The following SACS variants were observed in gnomAD, a reference collection of about 807,000 sequenced individuals.
SACS encodes sacsin molecular chaperone, also known as sacsin.
Under a neutral mutation model 348.0 loss-of-function variants are expected in SACS, and 197 were observed. The ratio of observed to expected loss-of-function variants is 0.57; its 90% CI spans 0.50 to 0.64. The LOEUF (loss-of-function observed/expected upper bound fraction) is 0.64, where lower values mean the gene tolerates loss of function less well. Ranked by LOEUF, SACS falls within the 30% of genes least tolerant of loss-of-function variation. SACS has a pLI of 0.00. For missense variants in SACS, 4,999 were observed against 5,360.8 expected (o/e 0.93, Z 2.11); for synonymous variants, 1,985 against 1,910.6 (o/e 1.04, Z -1.02).
At chr13:23,429,859 A>T (rs1028871102) in intron 1 of SACS, among the ~76,000 whole-genome samples, 2 of 152,190 alleles carry the variant, frequency 1.3e-5, no homozygotes, top group African/African-American at 4.8e-5. Flanking sequence ...TGACAGTAAA[A>T]TGAACATAGA....
At chr13:23,346,168 C>CAA (rs1439164547) in intron 9 of SACS, among the ~76,000 whole-genome samples, 1 of 152,172 alleles carries the variant, frequency 6.6e-6, no homozygotes, top group African/African-American at 2.4e-5. Flanking sequence ...TGTTTTGAGA[C>CAA]AGAGTCCCGC....
chr13:23,332,473 A>G lies in SACS; in HGVS notation c.11403T>C (p.Asp3801=). 1 of 1,614,040 alleles carries G rather than the reference A, an allele frequency of 6.2e-7. No individual in the cohort carries two copies. The highest frequency in any genetic ancestry group is 1.1e-5 in the South Asian group (1 of 91,076). Residue 3801 remains aspartate (D), a synonymous_variant, in exon 10 of 10, where the codon GAT becomes GAC. Coordinates refer to ENST00000382292, the MANE Select transcript of SACS (RefSeq NM_014363.6). The stretch of plus-strand genomic sequence containing the variant: ...CCTCAGGCTTCAGAAGTTTCCAACC[A>G]TCTTCTACCATCACAAAAGCAACCC... ...LRGVAFVMVE[D]GWKLLKPEEV...
rs1306940858 is a variant in SACS, at chr13:23,341,562, T to C, written c.2314A>G (p.Asn772Asp). The C allele has an allele frequency of 6.2e-6, 10 of 1,614,060 alleles. No homozygotes were observed. Among genetic ancestry groups the C allele is most frequent in the Non-Finnish European group, 8.5e-6 (10 of 1,179,998 alleles). ...VQWYPFDENR[N>D]HPSVSWLKMV... ...TTAAGCCATGAAACAGATGGGTGAT[T>C]TCTGTTTTCATCAAATGGATACCAT... is the stretch of plus-strand genomic sequence containing the variant. Residue 772 changes from asparagine to aspartate, a missense_variant, in exon 10 of 10, where the codon AAT (asparagine) becomes GAT (aspartate). Around this residue, in one of 6 missense-constraint regions of SACS, gnomAD observed 3,156 missense variants for 3,380.1 expected, o/e 0.93. Transcript: ENST00000382292.
At position 23,339,840 on chromosome 13, in the gene SACS, C is replaced by G. The variant is rs753529923; in HGVS notation, c.4036G>C (p.Asp1346His). 6.2e-7 allele frequency: 1 copy of G among 1,613,158 alleles called. No homozygotes were observed. The highest frequency in any genetic ancestry group is 2.2e-5 in the East Asian group (1 of 44,854). Residue 1346 changes from aspartate to histidine, a missense_variant, in exon 10 of 10, where the codon GAT becomes CAT. Asp to His is a moderately conservative substitution (Grantham distance 81). Coordinates refer to ENST00000382292, the MANE Select transcript of SACS (RefSeq NM_014363.6). ...TGTTTGCTTTCTTGTTCACTGAGAT[C>G]TTGGTCACTTTTGAGATATATCTTC... ...IQKIYLKSDQDLSEQESKQNL... is the reference protein window; with the variant it reads ...IQKIYLKSDQHLSEQESKQNL...
At chr13:23,348,033 C>T (rs908915795) in intron 9 of SACS, among the ~76,000 whole-genome samples, 5 of 152,092 alleles carry the variant, frequency 3.3e-5, no homozygotes, top group Admixed American at 6.6e-5. Flanking sequence ...AAATAAGACC[C>T]GACACCAAGC....
At chr13:23,401,369 C>A (rs1016539319) in intron 2 of SACS, among the ~76,000 whole-genome samples, 1 of 152,224 alleles carries the variant, frequency 6.6e-6, no homozygotes, top group Non-Finnish European at 1.5e-5. Context: ...TATCTGTGAC[C>A]TGGAAGCTCC....
intron 2 of SACS, among the ~76,000 whole-genome samples, chr13:23,401,170 T>A (rs372020611): frequency 6.6e-6 from 1 of 152,180 alleles, no homozygotes; most frequent in Non-Finnish European, 1.5e-5. Flanking sequence ...GTTACACATA[T>A]AAGAGGAAAA....
chr13:23,398,198 TA>T (rs1872785767), intron 2 of SACS, among the ~76,000 whole-genome samples: 1 of 145,424 alleles, frequency 6.9e-6, no homozygotes, highest in South Asian at 2.2e-4. Context: ...TCTCAAAAAA[TA>T]AAATAAAATT....
At chr13:23,412,618 T>C (rs1873539622) in intron 1 of SACS, among the ~76,000 whole-genome samples, 1 of 152,094 alleles carries the variant, frequency 6.6e-6, no homozygotes, top group Non-Finnish European at 1.5e-5. Flanking sequence ...TTTGCCCTGT[T>C]GGCCAGGCTG....
chr13:23,338,859 CAA>C lies in SACS; in HGVS notation c.5015_5016del (p.Leu1672ArgfsTer3). The C allele has an allele frequency of 6.2e-7, 1 of 1,612,992 alleles. No individual in the cohort carries two copies. Among genetic ancestry groups the C allele is most frequent in the Non-Finnish European group, 8.5e-7 (1 of 1,179,828 alleles). ...TCYNTADIYS[L>X]VDEFSLCGHR... Reference sequence around the variant, plus strand: ...TGTCCACAGAGACTAAATTCATCCACAAGAGAATAAATATCTGCTGTATTGTA... The same window carrying C: ...TGTCCACAGAGACTAAATTCATCCACGAGAATAAATATCTGCTGTATTGTA... On this transcript the variant is annotated frameshift_variant, in exon 10 of 10. Coordinates refer to ENST00000382292, the MANE Select transcript of SACS (RefSeq NM_014363.6). LOFTEE classifies it high-confidence loss of function.
intron 2 of SACS, among the ~76,000 whole-genome samples, chr13:23,382,825 A>T (rs1000060231): frequency 6.8e-6 from 1 of 146,380 alleles, no homozygotes; most frequent in African/African-American, 2.5e-5. Context: ...CTCTGCTGCC[A>T]GGCTGGAGTG....
intron 9 of SACS, among the ~76,000 whole-genome samples, chr13:23,344,357 C>T (rs779253155): frequency 2.0e-5 from 3 of 152,042 alleles, no homozygotes; most frequent in Non-Finnish European, 2.9e-5. Context: ...GGAAAATTAT[C>T]TCATTTAATG....
chr13:23,352,871 T>C (rs922465959), intron 9 of SACS, among the ~76,000 whole-genome samples: 1 of 152,186 alleles, frequency 6.6e-6, no homozygotes, highest in African/African-American at 2.4e-5. Context: ...CCAACCTAAC[T>C]TGCCTCTCCC....
In SACS at chr13:23,336,678, A is replaced by C; in HGVS notation, c.7198T>G (p.Phe2400Val). Residue 2400 changes from phenylalanine (F) to valine (V), a missense_variant, in exon 10 of 10, where the codon TTT becomes GTT. Physicochemically the swap from Phe to Val is conservative, Grantham distance 50. Transcript: ENST00000382292. Reference protein sequence around the residue: ...GVRQSCTVEDFALVLESIDQE... With the variant: ...GVRQSCTVEDVALVLESIDQE... The stretch of plus-strand genomic sequence containing the variant: ...TCAATAGATTCCAAAACAAGAGCAA[A>C]ATCTTCAACAGTGCATGACTGCCTC... The C allele has an allele frequency of 6.2e-7, 1 of 1,613,876 alleles. No individual in the cohort carries two copies. The highest frequency in any genetic ancestry group is 8.5e-7 in the Non-Finnish European group (1 of 1,179,888).
At chr13:23,399,967 G>C (rs185358295) in intron 2 of SACS, among the ~76,000 whole-genome samples, 32 of 152,294 alleles carry the variant, frequency 2.1e-4, no homozygotes, top group Non-Finnish European at 4.0e-4. Flanking sequence ...ACCTATAAGA[G>C]AAAGTGCTCC....
At chr13:23,410,266 T>C (rs1873426450) in intron 2 of SACS, among the ~76,000 whole-genome samples, 1 of 152,148 alleles carries the variant, frequency 6.6e-6, no homozygotes, top group Non-Finnish European at 1.5e-5. Flanking sequence ...AACAATGAAA[T>C]ATTTCAATCA....
intron 2 of SACS, among the ~76,000 whole-genome samples, chr13:23,410,502 T>C (rs1873435604): frequency 6.6e-6 from 1 of 152,232 alleles, no homozygotes; most frequent in Admixed American, 6.5e-5. Context: ...AGACGTTTTA[T>C]TTGTTGATAT....
chr13:23,375,367 G>A, intron 2 of SACS, 98 bp from the exon 3 acceptor site: 1 of 1,259,202 alleles, frequency 7.9e-7, no homozygotes, highest in East Asian at 3.3e-5. Flanking sequence ...CCACATCGCG[G>A]CGCGGCAGGC....
intron 9 of SACS, among the ~76,000 whole-genome samples, chr13:23,348,078 C>T (rs1378869355): frequency 6.6e-6 from 1 of 152,148 alleles, no homozygotes; most frequent in Non-Finnish European, 1.5e-5. Flanking sequence ...TTTCCTTTTT[C>T]TTCATCCAAA....
Sources: allele counts gnomAD v4.1 joint callset (sites outside exome capture counted in the v4.1 genomes callset), GRCh38; gene constraint gnomAD v4.1.1; regional missense constraint gnomAD v4.1.1; transcripts MANE v1.5; gene names NCBI Gene and HGNC (gene_info 2026-07-23, HGNC 2026-07-21).